SGO2: variants seen among roughly 807,000 people sequenced by gnomAD.
SGO2 encodes the protein shugoshin-like 2.
SGO2 carries 68 observed loss-of-function variants against 99.5 expected under a neutral mutation model. The ratio of observed to expected loss-of-function variants is 0.68; its 90% CI spans 0.56 to 0.84. The LOEUF is 0.84. Ranked by LOEUF, SGO2 falls within the 40% of genes least tolerant of loss-of-function variation. SGO2 has a pLI of 0.00. For synonymous variants in SGO2, 457 were observed against 487.1 expected (o/e 0.94, Z 0.81); for missense variants, 1,350 against 1,436.7 (o/e 0.94, Z 0.97).
chr2:200,573,614 C>T lies in SGO2; in HGVS notation c.3268C>T (p.Pro1090Ser), dbSNP rs1399646924. ...KKRKTSIDPSPESHEVMERIL... is the reference protein window; with the variant it reads ...KKRKTSIDPSSESHEVMERIL... ...AAGGAAGACCTCCATAGATCCTTCT[C>T]CAGAGAGCCATGAAGTAATGGAAAG... The change falls in exon 7 of 9, where the codon CCA becomes TCA. Residue 1090 changes from proline (P) to serine (S), a missense_variant. Physicochemically the swap from Pro to Ser is moderately conservative, Grantham distance 74. Transcript: ENST00000357799. The T allele has an allele frequency of 6.2e-7, 1 of 1,611,842 alleles. No homozygotes were observed. Among genetic ancestry groups the T allele is most frequent in the South Asian group, 1.1e-5 (1 of 90,456 alleles).
chr2:200,540,679 G>A (rs11676862), intron 4 of SGO2, among the ~76,000 whole-genome samples: 45,999 of 152,104 alleles, frequency 0.3, 7,359 homozygotes, highest in Non-Finnish European at 0.36. Context: ...CACTGAATGG[G>A]GATGTATAGC....
At chr2:200,560,006 G>C (rs866846) in intron 5 of SGO2, among the ~76,000 whole-genome samples, 1 of 152,060 alleles carries the variant, frequency 6.6e-6, no homozygotes, top group African/African-American at 2.4e-5. Flanking sequence ...AAAATGTGTA[G>C]TTTGCAATGG....
chr2:200,583,265 G>A (rs539485195), intron 8 of SGO2, among the ~76,000 whole-genome samples, 184 bp from the exon 9 acceptor site: 23 of 152,236 alleles, frequency 1.5e-4, no homozygotes, highest in African/African-American at 5.3e-4. Flanking sequence ...ATTATTTGAA[G>A]TACTCTGATA....
intron 5 of SGO2, among the ~76,000 whole-genome samples, chr2:200,547,532 G>A (rs2032282499): frequency 6.6e-6 from 1 of 152,142 alleles, no homozygotes; most frequent in East Asian, 1.9e-4. Flanking sequence ...TCAAACTCTA[G>A]CATGAAGCCC....
At chr2:200,557,488 G>T (rs1418749179) in intron 5 of SGO2, among the ~76,000 whole-genome samples, 1 of 152,148 alleles carries the variant, frequency 6.6e-6, no homozygotes, top group Non-Finnish European at 1.5e-5. Flanking sequence ...TTATTGGAAA[G>T]CGTCCTGATC....
At position 200,571,900 on chromosome 2, in the gene SGO2, A is replaced by T; in HGVS notation, c.1554A>T (p.Lys518Asn). 6.2e-7 allele frequency: 1 copy of T among 1,613,614 alleles called. No individual in the cohort carries two copies. The highest frequency in any genetic ancestry group is 1.1e-5 in the South Asian group (1 of 91,026). ...CAGGTAAATTTCACCAGGAGAGTAA[A>T]TTTGATAAGGGTCAGAATTCCCTAA... ...QSSGKFHQESKFDKGQNSLTC... is the reference protein window; with the variant it reads ...QSSGKFHQESNFDKGQNSLTC... Residue 518 changes from lysine to asparagine, a missense_variant, in exon 7 of 9, where the codon AAA becomes AAT. Lys to Asn is a moderately conservative substitution (Grantham distance 94, BLOSUM62 0). Coordinates refer to ENST00000357799, the MANE Select transcript of SGO2 (RefSeq NM_152524.6).
At chr2:200,576,410 T>C (rs12470563) in intron 8 of SGO2, among the ~76,000 whole-genome samples, 8,272 of 151,862 alleles carry the variant, frequency 0.054, 297 homozygotes, top group East Asian at 0.13. Context: ...ACCCCATCTC[T>C]ACTAAAAATG....
chr2:200,569,582 G>T, intron 5 of SGO2, 81 bp from the exon 6 acceptor site: 1 of 1,021,042 alleles, frequency 9.8e-7, no homozygotes. Flanking sequence ...ATCTTAAATA[G>T]AATATAGAAA....
chr2:200,544,692 G>GATCTATCTATCTATCTATCT (rs71022322), intron 5 of SGO2, among the ~76,000 whole-genome samples: 4 of 145,754 alleles, frequency 2.7e-5, no homozygotes, highest in East Asian at 2.1e-4. Flanking sequence ...TTACTTGGGA[G>GATCTATCTATCTATCTATCT]ATCTATCTAT....
chr2:200,546,567 T>G (rs13405213), intron 5 of SGO2, among the ~76,000 whole-genome samples: 2,609 of 152,138 alleles, frequency 0.017, 91 homozygotes, highest in African/African-American at 0.059. Flanking sequence ...CAGTTTGTGA[T>G]TTCTTGGACC....
In SGO2 at chr2:200,559,353, A is replaced by G. The variant is rs376528809; in HGVS notation, c.474-10310A>G. On this transcript the variant is annotated intron_variant, in intron 5 of 8. Coordinates refer to ENST00000357799, the MANE Select transcript of SGO2 (RefSeq NM_152524.6). The stretch of plus-strand genomic sequence containing the variant: ...TTAGTCTTGCTCTAGAGGTCTGTCA[A>G]TTTTATTCATCTTTGTGAAGGTCTC... Among the ~76,000 whole-genome samples the G allele has an allele frequency of 2.1e-3, 317 of 151,834 alleles. 1 individual carries two copies. Among genetic ancestry groups the G allele is most frequent in the African/African-American group, 7.1e-3 (293 of 41,400 alleles).
chr2:200,544,413 T>G (rs1050849514), intron 5 of SGO2, among the ~76,000 whole-genome samples: 4 of 151,982 alleles, frequency 2.6e-5, no homozygotes, highest in Admixed American at 6.6e-5. Context: ...TCCCAAGTAG[T>G]TGGGATTATG....
intron 5 of SGO2, among the ~76,000 whole-genome samples, chr2:200,554,172 C>T (rs2032608765): frequency 1.3e-5 from 2 of 152,114 alleles, no homozygotes; most frequent in African/African-American, 4.8e-5. Flanking sequence ...CAAACATGCT[C>T]CAAATTTTGT....
chr2:200,552,601 T>G (rs1277710079), intron 5 of SGO2, among the ~76,000 whole-genome samples: 1 of 152,194 alleles, frequency 6.6e-6, no homozygotes, highest in Admixed American at 6.5e-5. Context: ...CCATATAAGG[T>G]AACTTCCTGA....
chr2:200,532,001 T>C, intron 1 of SGO2: 1 of 152,264 alleles, frequency 6.6e-6, no homozygotes, highest in East Asian at 1.9e-4. Flanking sequence ...AAGGCCCTTT[T>C]TCCACATGAG....
intron 4 of SGO2, among the ~76,000 whole-genome samples, chr2:200,539,406 C>T (rs2031852595): frequency 6.6e-6 from 1 of 151,790 alleles, no homozygotes; most frequent in South Asian, 2.1e-4. Flanking sequence ...TTTTTTCTCC[C>T]CACTATCTTA....
chr2:200,572,532 TA>T lies in SGO2; in HGVS notation c.2187del (p.Asp730IlefsTer6). The T allele has an allele frequency of 6.2e-7, 1 of 1,612,278 alleles. No homozygotes were observed. Among genetic ancestry groups the T allele is most frequent in the Non-Finnish European group, 8.5e-7 (1 of 1,178,864 alleles). ...KTEIISEVNH[L>X]DNDKSIEYTV... ...GAAATAATTTCTGAAGTGAATCATT[TA>T]GATAATGACAAAAGTATAGAATACA... On this transcript the variant is annotated frameshift_variant, in exon 7 of 9. Coordinates refer to ENST00000357799, the MANE Select transcript of SGO2 (RefSeq NM_152524.6). LOFTEE classifies it high-confidence loss of function.
intron 8 of SGO2, among the ~76,000 whole-genome samples, chr2:200,579,340 G>A (rs898188877): frequency 3.3e-5 from 5 of 152,126 alleles, no homozygotes; most frequent in Non-Finnish European, 7.4e-5. Context: ...TACCCTGTTT[G>A]TATGCCTCTT....
rs763763534 is a variant in SGO2 at position 200,571,507 on chromosome 2, TAAAAA to T, written c.1164_1168del (p.Lys388AsnfsTer3). 3.1e-6 allele frequency: 5 copies of T among 1,608,864 alleles called. No individual in the cohort carries two copies. The South Asian group carries it at 5.6e-5, about 18-fold the overall frequency. On this transcript the variant is annotated frameshift_variant, in exon 7 of 9. Coordinates refer to ENST00000357799, the MANE Select transcript of SGO2 (RefSeq NM_152524.6). LOFTEE classifies it high-confidence loss of function. ...CAACAGGCATTAAAAAGAAAAGTAA[TAAAAA>T]AACAAATGAACATGGAATGAAAACT...
Sources: gnomAD v4.1 joint callset for allele counts (sites outside exome capture counted in the v4.1 genomes callset) on GRCh38, gnomAD v4.1.1 for gene constraint, MANE v1.5 for transcripts, NCBI Gene and HGNC (gene_info 2026-07-23, HGNC 2026-07-21) for gene names.